MAP9: variants seen among roughly 807,000 people sequenced by gnomAD.
The protein encoded by MAP9 is microtubule associated protein 9.
In MAP9, 80 loss-of-function variants were observed where a neutral mutation model predicts 75.2. The observed-to-expected ratio is 1.06, with a 90% CI of 0.89 to 1.28. MAP9 has a LOEUF of 1.28. MAP9 is among the 50% of genes most tolerant of loss of function. The pLI, the probability that MAP9 is intolerant of heterozygous loss-of-function variation, is 0.00. For missense variants in MAP9, 753 were observed against 719.9 expected, an observed-to-expected ratio of 1.05 and a Z score of -0.53; for synonymous variants, 235 against 237.3, an observed-to-expected ratio of 0.99 and a Z score of 0.09.
chr4:155,368,278 C>T (rs1578856793), intron 5 of MAP9: 1 of 508,050 alleles, frequency 2.0e-6, no homozygotes, highest in Admixed American at 3.6e-5. Flanking sequence ...AAAAGCAACA[C>T]TTTTTGACAT....
chr4:155,365,216 T>C (rs995753398), intron 5 of MAP9, among the ~76,000 whole-genome samples: 5 of 151,944 alleles, frequency 3.3e-5, no homozygotes, highest in Non-Finnish European at 7.4e-5. Flanking sequence ...GCATATACCA[T>C]GGAAACACTT....
Position 155,353,056 on chromosome 4 carries a change from G to A in MAP9, c.1544C>T (p.Ala515Val), listed in dbSNP as rs777219224. Residue 515 changes from alanine to valine, a missense_variant and splice_region_variant, in exon 12 of 14, where the codon GCT becomes GTT. Transcript: ENST00000311277. ...NAARKGEALQ[A>V]FEKWKEKKME... ...CTTTTTCTCTTTCCATTTTTCAAAAGCCTGAAAAAGTTCAGAATAATTTTC... is the reference window on the plus strand; with the variant it reads ...CTTTTTCTCTTTCCATTTTTCAAAAACCTGAAAAAGTTCAGAATAATTTTC... 6.5e-7 allele frequency: 1 copy of A among 1,534,380 alleles called. No homozygotes were observed. The highest frequency in any genetic ancestry group is 1.8e-4 in the Middle Eastern group (1 of 5,712).
intron 13 of MAP9, chr4:155,350,301 T>C (rs1053125357): frequency 6.8e-5 from 30 of 444,202 alleles, no homozygotes; most frequent in Non-Finnish European, 1.2e-4. Context: ...CATGTATGTT[T>C]ATGTGTTTAT....
chr4:155,347,846 A>C lies in MAP9; in HGVS notation c.1881T>G (p.Leu627=). 6.2e-7 allele frequency: 1 copy of C among 1,605,934 alleles called. No individual in the cohort carries two copies. The highest frequency in any genetic ancestry group is 2.2e-5 in the East Asian group (1 of 44,454). The change falls in exon 14 of 14, where the codon CTT becomes CTG. Residue 627 remains leucine (L), a synonymous_variant. Transcript: ENST00000311277. Reference sequence around the variant, plus strand: ...TCCACGGAGGAAGTGCCTCACTTTCAAGAAAGGAATGACGTTTCTTCTGTT... The same window carrying C: ...TCCACGGAGGAAGTGCCTCACTTTCCAGAAAGGAATGACGTTTCTTCTGTT... ...ERKQKKRHSF[L]ESEALPPWSP... is the part of the protein sequence containing the mutation.
At chr4:155,359,404 A>G (rs1368738926) in intron 7 of MAP9, among the ~76,000 whole-genome samples, 2 of 152,028 alleles carry the variant, frequency 1.3e-5, no homozygotes, top group African/African-American at 4.8e-5. Flanking sequence ...ACACATGTAT[A>G]TAGGGTATGG....
chr4:155,360,799 A>G (rs1732041593), intron 6 of MAP9, among the ~76,000 whole-genome samples: 1 of 152,062 alleles, frequency 6.6e-6, no homozygotes. Flanking sequence ...CTGCATAAGA[A>G]GGTGTCACAC....
intron 5 of MAP9, among the ~76,000 whole-genome samples, chr4:155,365,835 T>A (rs1732297484): frequency 6.6e-6 from 1 of 151,968 alleles, no homozygotes; most frequent in Non-Finnish European, 1.5e-5. Flanking sequence ...CCATGTACAA[T>A]TATTATTTTT....
rs748222174 is a variant in MAP9 at position 155,352,613 on chromosome 4, C to A, written c.1804G>T (p.Glu602Ter). 2 of 1,566,006 alleles carry A rather than the reference C, an allele frequency of 1.3e-6. No individual in the cohort carries two copies. Among genetic ancestry groups the A allele is most frequent in the South Asian group, 1.2e-5 (1 of 86,688 alleles). Residue 602 changes from glutamate to a stop codon, truncating the protein, a stop_gained, in exon 13 of 14, where the codon GAA becomes TAA. Coordinates refer to ENST00000311277, the MANE Select transcript of MAP9 (RefSeq NM_001039580.2). LOFTEE classifies it high-confidence loss of function. ...ATACCTACCAGCCATTTTTCATATT[C>A]ATTAATAGCTTGTTTATCTTTATCT... is the stretch of plus-strand genomic sequence containing the variant. The part of the protein sequence containing the change: ...KKDKDKQAIN[E>*]YEKWLENKEK...
At chr4:155,352,418 T>C (rs1336094403) in intron 13 of MAP9, 178 bp downstream of exon 13, 3 of 570,034 alleles carry the variant, frequency 5.3e-6, no homozygotes, top group Admixed American at 6.3e-5. Flanking sequence ...GAAACATTAA[T>C]AGAAATGACT....
At chr4:155,369,363 A>AAC (rs1732489532) in intron 4 of MAP9, among the ~76,000 whole-genome samples, 3 of 126,086 alleles carry the variant, frequency 2.4e-5, no homozygotes, top group Admixed American at 1.9e-4. Context: ...CAACAACAAC[A>AAC]AAAAAAAAAC....
chr4:155,352,455 G>T (rs890113314), intron 13 of MAP9, 141 bp downstream of exon 13: 16 of 771,454 alleles, frequency 2.1e-5, no homozygotes, highest in Non-Finnish European at 3.1e-5. Context: ...GCTATATGCA[G>T]GAGGAGAGCT....
At chr4:155,348,368 GA>G (rs944301792) in intron 13 of MAP9, among the ~76,000 whole-genome samples, 1 of 151,368 alleles carries the variant, frequency 6.6e-6, no homozygotes, top group Non-Finnish European at 1.5e-5. Flanking sequence ...ATGGAAACAA[GA>G]AAAAAATTAG....
At chr4:155,361,913 A>G (rs1438515383) in intron 6 of MAP9, 135 bp downstream of exon 6, 8 of 581,590 alleles carry the variant, frequency 1.4e-5, no homozygotes, top group Non-Finnish European at 2.4e-5. Context: ...AGTTAACTAC[A>G]TAGTCAGGAT....
At chr4:155,361,430 A>C (rs1405256340) in intron 6 of MAP9, 1 of 152,070 alleles carries the variant, frequency 6.6e-6, no homozygotes, top group Non-Finnish European at 1.5e-5. Flanking sequence ...CAGACCTAGA[A>C]ATAGCTATGT....
Position 155,352,955 on chromosome 4 carries a change from C to T in MAP9, c.1645G>A (p.Val549Ile), listed in dbSNP as rs1047005238. 43 of 1,539,360 alleles carry T rather than the reference C, an allele frequency of 2.8e-5. No individual in the cohort carries two copies. Among genetic ancestry groups the T allele is most frequent in the Admixed American group, 3.9e-5 (2 of 51,190 alleles). ...RAKKQKEEETVAEKKKDNLTA... is the reference protein window; with the variant it reads ...RAKKQKEEETIAEKKKDNLTA... ...AAATTATCTTTCTTTTTCTCGGCAA[C>T]AGTTTCCTCCTCTTTCTGTTTCTTT... The change falls in exon 12 of 14, where the codon GTT becomes ATT. Residue 549 changes from valine to isoleucine, a missense_variant. Transcript: ENST00000311277.
intron 4 of MAP9, among the ~76,000 whole-genome samples, chr4:155,369,985 C>A (rs1405815597): frequency 6.6e-6 from 1 of 152,152 alleles, no homozygotes; most frequent in Non-Finnish European, 1.5e-5. Flanking sequence ...GTCTAATTAA[C>A]ATCTTCCTCC....
chr4:155,346,570 T>C lies in MAP9; in HGVS notation c.*1213A>G, dbSNP rs1731294321. 6.6e-6 allele frequency: 1 copy of C among 152,142 alleles called. No individual in the cohort carries two copies. The highest frequency in any genetic ancestry group is 1.5e-5 in the Non-Finnish European group (1 of 68,022). The allele number at this position is 152,142 out of a possible 1,614,324, so 9.4% of individuals were successfully genotyped here. ...ACACTCCAGATGGACGGTAAGTTAC[T>C]TGGTTTATCTGAGCGCCAGTATTTT... On this transcript the variant is annotated 3_prime_UTR_variant, in exon 14 of 14. Coordinates refer to ENST00000311277, the MANE Select transcript of MAP9 (RefSeq NM_001039580.2).
intron 5 of MAP9, chr4:155,362,419 C>A: frequency 3.7e-6 from 1 of 271,718 alleles, no homozygotes; most frequent in Non-Finnish European, 6.7e-6. Context: ...TACCAATTTT[C>A]AAAACTCCTA....
Position 155,343,859 on chromosome 4 carries a change from A to G in MAP9, c.*3924T>C, listed in dbSNP as rs1016983242. 7 of 151,982 alleles carry G rather than the reference A, an allele frequency of 4.6e-5. No homozygotes were observed. The highest frequency in any genetic ancestry group is 1.7e-4 in the African/African-American group (7 of 41,440). The allele number at this position is 151,982 out of a possible 1,614,324, so 9.4% of individuals were successfully genotyped here. On this transcript the variant is annotated 3_prime_UTR_variant, in exon 14 of 14. Transcript: ENST00000311277. Reference sequence around the variant, plus strand: ...GCATAATCACATGAAATTTTAAAGTAAAAATAACTCAGAGAAACTTCCAGT... The same window carrying G: ...GCATAATCACATGAAATTTTAAAGTGAAAATAACTCAGAGAAACTTCCAGT...
Sources: gnomAD v4.1 joint callset for allele counts (sites outside exome capture counted in the v4.1 genomes callset) on GRCh38, gnomAD v4.1.1 for gene constraint, MANE v1.5 for transcripts, NCBI Gene and HGNC (gene_info 2026-07-23, HGNC 2026-07-21) for gene names.